The following LAMC1 variants were observed in gnomAD, a reference collection of about 807,000 sequenced individuals.
LAMC1 encodes the protein laminin subunit gamma 1.
A neutral mutation model predicts 173.6 loss-of-function variants in LAMC1; 38 were observed. That is an observed-to-expected ratio of 0.22 (90% CI 0.17 to 0.29). The LOEUF is 0.29. LAMC1 is among the 10% of genes least tolerant of loss of function. LAMC1 has a pLI of 1.00. For synonymous variants in LAMC1, 746 were observed against 749.1 expected, an observed-to-expected ratio of 1.00 and a Z score of 0.07; for missense variants, 1,824 against 2,051.8, an observed-to-expected ratio of 0.89 and a Z score of 2.14.
At chr1:183,114,760 TC>T in intron 5 of LAMC1, 41 bp downstream of exon 5, 2 of 1,580,818 alleles carry the variant, frequency 1.3e-6, no homozygotes, top group Non-Finnish European at 1.7e-6. Flanking sequence ...AAATGATAGT[TC>T]CGTGGACCCC....
intron 11 of LAMC1, among the ~76,000 whole-genome samples, chr1:183,119,700 A>G (rs1014682904): frequency 2.0e-5 from 3 of 152,036 alleles, no homozygotes; most frequent in Non-Finnish European, 2.9e-5. Context: ...GTGCCACTCC[A>G]CTCCAGCCTG....
At chr1:183,024,256 G>C (rs1252040435) in intron 1 of LAMC1, 122 bp downstream of exon 1, 8 of 931,644 alleles carry the variant, frequency 8.6e-6, no homozygotes, top group African/African-American at 1.7e-5. Context: ...CTGTTCCCCG[G>C]CATGGGCCAC....
In LAMC1 at chr1:183,092,153, T is replaced by C. The variant is rs544162380; in HGVS notation, c.419-11175T>C. Among the ~76,000 whole-genome samples, 38 of 152,276 alleles carry C rather than the reference T, an allele frequency of 2.5e-4. No homozygotes were observed. The South Asian group carries it at 4.6e-3, about 18-fold the overall frequency. ...TTAAAGAAGACTGCTACTTTTCTGG[T>C]TTATTGTCTATGCCTACAGATGACA... On this transcript the variant is annotated intron_variant, in intron 1 of 27. Transcript: ENST00000258341.
At chr1:183,108,053 T>G (rs189089200) in intron 2 of LAMC1, among the ~76,000 whole-genome samples, 1 of 152,244 alleles carries the variant, frequency 6.6e-6, no homozygotes, top group East Asian at 1.9e-4. Context: ...TCCTTGTTTT[T>G]GGAGACTCCG....
At position 183,023,940 on chromosome 1, in the gene LAMC1, A is replaced by G; in HGVS notation, c.224A>G (p.Glu75Gly). 1 of 1,613,284 alleles carries G rather than the reference A, an allele frequency of 6.2e-7. No individual in the cohort carries two copies. Among genetic ancestry groups the G allele is most frequent in the Non-Finnish European group, 8.5e-7 (1 of 1,179,954 alleles). Residue 75 changes from glutamate (E) to glycine (G), a missense_variant, in exon 1 of 28, where the codon GAA becomes GGA. Glu to Gly is a moderately conservative substitution (Grantham distance 98, BLOSUM62 -2). Transcript: ENST00000258341. ...ATNTCGTPPE[E>G]YCVQTGVTGV... ...AACACGTGTGGGACTCCGCCCGAGG[A>G]ATACTGTGTGCAGACCGGGGTGACC...
chr1:183,123,358 C>T (rs1299827068), intron 13 of LAMC1, among the ~76,000 whole-genome samples: 3 of 152,134 alleles, frequency 2.0e-5, no homozygotes, highest in Admixed American at 6.6e-5. Context: ...TACAATGGCT[C>T]CAATCTCAAC....
chr1:183,081,028 A>G (rs1474451974), intron 1 of LAMC1, among the ~76,000 whole-genome samples: 1 of 152,048 alleles, frequency 6.6e-6, no homozygotes, highest in Non-Finnish European at 1.5e-5. Flanking sequence ...AGCTGGGACT[A>G]CAGGTGCCTG....
At position 183,127,270 on chromosome 1, in the gene LAMC1, G is replaced by T. The variant is rs1042304142; in HGVS notation, c.2989G>T (p.Asp997Tyr). The change falls in exon 17 of 28, where the codon GAT becomes TAT. Residue 997 changes from aspartate (D) to tyrosine (Y), a missense_variant. Coordinates refer to ENST00000258341, the MANE Select transcript of LAMC1 (RefSeq NM_002293.4). The stretch of plus-strand genomic sequence containing the variant: ...GGGATCTCTTTCACTTCAGTGCAAA[G>T]ATGATGGTCGCTGTGAATGCAGAGA... ...PEGSLSLQCK[D>Y]DGRCECREGF... 1.2e-6 allele frequency: 2 copies of T among 1,614,156 alleles called. No individual in the cohort carries two copies. Among genetic ancestry groups the T allele is most frequent in the Admixed American group, 1.7e-5 (1 of 60,030 alleles).
At chr1:183,121,992 T>C (rs765157175) in intron 12 of LAMC1, 48 bp downstream of exon 12, 2 of 1,608,696 alleles carry the variant, frequency 1.2e-6, no homozygotes, top group East Asian at 2.2e-5. Flanking sequence ...CTTTAGCAAT[T>C]GTGTAGAAAG....
At chr1:183,040,305 T>C (rs1009050054) in intron 1 of LAMC1, among the ~76,000 whole-genome samples, 2 of 152,208 alleles carry the variant, frequency 1.3e-5, no homozygotes, top group African/African-American at 4.8e-5. Flanking sequence ...AATGGACACA[T>C]GGGAGTTTGA....
intron 1 of LAMC1, among the ~76,000 whole-genome samples, chr1:183,032,717 G>A (rs974681288): frequency 2.6e-5 from 4 of 151,850 alleles, no homozygotes; most frequent in South Asian, 2.1e-4. Context: ...AATTTGGTAC[G>A]TGGCCTTATA....
At chr1:183,025,157 A>G (rs1176133904) in intron 1 of LAMC1, among the ~76,000 whole-genome samples, 3 of 152,196 alleles carry the variant, frequency 2.0e-5, no homozygotes, top group African/African-American at 7.2e-5. Flanking sequence ...CAGAGAGAAC[A>G]GACTGCCTCA....
At chr1:183,118,214 C>A in intron 11 of LAMC1, 68 bp downstream of exon 11, 1 of 903,798 alleles carries the variant, frequency 1.1e-6, no homozygotes, top group Non-Finnish European at 1.8e-6. Context: ...CATGATAATG[C>A]AAAAGTTTCT....
At chr1:183,097,580 G>A (rs190280688) in intron 1 of LAMC1, among the ~76,000 whole-genome samples, 3 of 152,326 alleles carry the variant, frequency 2.0e-5, no homozygotes, top group Admixed American at 2.0e-4. Flanking sequence ...GAGCATTTAT[G>A]TTCCCCAGCA....
At chr1:183,073,249 T>C (rs963827766) in intron 1 of LAMC1, among the ~76,000 whole-genome samples, 1 of 152,202 alleles carries the variant, frequency 6.6e-6, no homozygotes, top group African/African-American at 2.4e-5. Context: ...TTTAGAATGG[T>C]CTGTCTGTGG....
Position 183,096,037 on chromosome 1 carries a change from A to G in LAMC1, c.419-7291A>G, listed in dbSNP as rs75816737. On this transcript the variant is annotated intron_variant, in intron 1 of 27. Coordinates refer to ENST00000258341, the MANE Select transcript of LAMC1 (RefSeq NM_002293.4). ...ACATTTTAATTCCTATGATAAGTCA[A>G]TTTTGGCCCTCCAGTTTACTGAAGT... Among the ~76,000 whole-genome samples the G allele has an allele frequency of 3.1e-3, 471 of 152,260 alleles. 3 individuals carry two copies. Among genetic ancestry groups the G allele is most frequent in the African/African-American group, 0.011 (449 of 41,540 alleles).
At chr1:183,042,425 G>A (rs1654160121) in intron 1 of LAMC1, among the ~76,000 whole-genome samples, 1 of 152,164 alleles carries the variant, frequency 6.6e-6, no homozygotes, top group Admixed American at 6.6e-5. Flanking sequence ...ACACAGTAGA[G>A]GCTGGAAAAT....
intron 1 of LAMC1, among the ~76,000 whole-genome samples, chr1:183,061,944 G>A (rs1654754293): frequency 6.6e-6 from 1 of 152,222 alleles, no homozygotes; most frequent in Non-Finnish European, 1.5e-5. Flanking sequence ...TTGGGACATG[G>A]CAGAGAAGGA....
chr1:183,090,475 G>T (rs1655537743), intron 1 of LAMC1, among the ~76,000 whole-genome samples: 1 of 152,178 alleles, frequency 6.6e-6, no homozygotes, highest in African/African-American at 2.4e-5. Flanking sequence ...AAATGAAGAA[G>T]GGGGTGTATT....
Sources: allele counts gnomAD v4.1 joint callset (sites outside exome capture counted in the v4.1 genomes callset), GRCh38; gene constraint gnomAD v4.1.1; transcripts MANE v1.5; gene names NCBI Gene and HGNC (gene_info 2026-07-23, HGNC 2026-07-21).